SIRPB1: variants seen among roughly 807,000 people sequenced by gnomAD.
SIRPB1 encodes signal-regulatory protein beta-1.
SIRPB1 carries 28 observed loss-of-function variants against 34.1 expected under a neutral mutation model. That is an observed-to-expected ratio of 0.82 (90% CI 0.61 to 1.12). The LOEUF is 1.12. SIRPB1 is among the 50% of genes most tolerant of loss of function. The pLI, the probability that SIRPB1 is intolerant of heterozygous loss-of-function variation, is 0.00. For missense variants in SIRPB1, 499 were observed against 507.0 expected (o/e 0.98, Z 0.15); for synonymous variants, 211 against 203.8 (o/e 1.04, Z -0.30).
In SIRPB1 at chr20:1,564,296, A is replaced by G. The variant is rs1318341097; in HGVS notation, c.*1204T>C. ...GCTGCCTGTATTCGGCATAATACTC[A>G]TCAAAATAAGGGCTAAAGAAAAATT... is the stretch of plus-strand genomic sequence containing the variant. On this transcript the variant is annotated 3_prime_UTR_variant, in exon 6 of 6. Coordinates refer to ENST00000381605, the MANE Select transcript of SIRPB1 (RefSeq NM_006065.5). 6.6e-6 allele frequency: 1 copy of G among 152,186 alleles called. No homozygotes were observed. Among genetic ancestry groups the G allele is most frequent in the African/African-American group, 2.4e-5 (1 of 41,432 alleles). The allele number at this position is 152,186 out of a possible 1,614,324, so 9.4% of individuals were successfully genotyped here.
rs1280941964 is a variant in SIRPB1, at chr20:1,605,979, G to T, written c.76+13890C>A. 9.1e-6 allele frequency: 2 copies of T among 219,578 alleles called. 1 individual carries two copies. Among genetic ancestry groups the T allele is most frequent in the African/African-American group, 1.7e-4 (2 of 11,902 alleles). The allele number at this position is 219,578 out of a possible 1,614,324, so 13.6% of individuals were successfully genotyped here. A position where few individuals can be genotyped will look rare whatever the true frequency, so the allele number is the denominator to read the frequency against. On this transcript the variant is annotated intron_variant, in intron 1 of 5. Coordinates refer to ENST00000381605, the MANE Select transcript of SIRPB1 (RefSeq NM_006065.5). Reference sequence around the variant, plus strand: ...AATAACCAATGAGAGTGGGTTTGCAGTTGAGGATTTTCAACCAGCTAATGA... The same window carrying T: ...AATAACCAATGAGAGTGGGTTTGCATTTGAGGATTTTCAACCAGCTAATGA...
rs768117833 is a variant in SIRPB1, at chr20:1,570,859, A to G, written c.1030T>C (p.Tyr344His). ...TGGTGCGCTGAGATCTCCAGGGCAT[A>G]GCTTTTGCTGACTGCTTGCTGCCCA... ...HDGQQAVSKS[Y>H]ALEISAHQKE... The change falls in exon 4 of 6, where the codon TAT (tyrosine) becomes CAT (histidine). Residue 344 changes from tyrosine (Y) to histidine (H), a missense_variant. Tyr to His is a moderately conservative substitution (Grantham distance 83). Transcript: ENST00000381605. 3 of 1,614,182 alleles carry G rather than the reference A, an allele frequency of 1.9e-6. No homozygotes were observed. Among genetic ancestry groups the G allele is most frequent in the Non-Finnish European group, 2.5e-6 (3 of 1,180,022 alleles).
At chr20:1,570,784 A>T (rs1161281277) in intron 4 of SIRPB1, 21 bp downstream of exon 4, 2 of 1,549,286 alleles carry the variant, frequency 1.3e-6, no homozygotes, top group African/African-American at 1.4e-5. Flanking sequence ...GACAAAATTT[A>T]AAAATGGGAA....
chr20:1,586,542 C>T lies in SIRPB1; in HGVS notation c.77-7848G>A, dbSNP rs1272277454. 1.6e-4 allele frequency among the ~76,000 whole-genome samples: 8 copies of T among 48,740 alleles called. 4 individuals carry two copies. The highest frequency in any genetic ancestry group is 3.2e-4 in the Non-Finnish European group (8 of 25,310). 32.0% of individuals were successfully genotyped at this position (48,740 alleles called of 152,430 possible). On this transcript the variant is annotated intron_variant, in intron 1 of 5. Transcript: ENST00000381605. ...GTCCGTGGCCTGTTATGAACTGGGC[C>T]GCACAGCCGGAGGTGAGCAGCCAGT...
At chr20:1,576,981 A>T (rs2091321109) in intron 2 of SIRPB1, among the ~76,000 whole-genome samples, 1 of 148,456 alleles carries the variant, frequency 6.7e-6, no homozygotes, top group Admixed American at 6.7e-5. Flanking sequence ...CATCAACAGA[A>T]GACTGTAAAA....
In SIRPB1 at chr20:1,612,552, T is replaced by G. The variant is rs1321084246; in HGVS notation, c.76+7317A>C. On this transcript the variant is annotated intron_variant, in intron 1 of 5. Coordinates refer to ENST00000381605, the MANE Select transcript of SIRPB1 (RefSeq NM_006065.5). The stretch of plus-strand genomic sequence containing the variant: ...CTCTGTGGATCAATTTCTCCCTTCC[T>G]GAGACCCACAAGGCTCTAATGGGGC... Among the ~76,000 whole-genome samples the G allele has an allele frequency of 1.0e-3, 72 of 72,176 alleles. 31 individuals carry two copies. Among genetic ancestry groups the G allele is most frequent in the Non-Finnish European group, 2.3e-4 (9 of 38,584 alleles). The allele number at this position is 72,176 out of a possible 152,430, so 47.4% of individuals were successfully genotyped here.
intron 1 of SIRPB1, among the ~76,000 whole-genome samples, chr20:1,616,283 A>T (rs2091628288): frequency 6.6e-6 from 1 of 152,222 alleles, no homozygotes; most frequent in African/African-American, 2.4e-5. Context: ...AAAAGACTGG[A>T]GGCATCACAT....
intron 1 of SIRPB1, among the ~76,000 whole-genome samples, chr20:1,614,143 T>C: frequency 6.6e-6 from 1 of 152,194 alleles, no homozygotes; most frequent in East Asian, 1.9e-4. Context: ...ATTCTATACC[T>C]GGCAAAGTGT....
At chr20:1,579,512 C>T (rs995766242) in intron 1 of SIRPB1, among the ~76,000 whole-genome samples, 1 of 148,408 alleles carries the variant, frequency 6.7e-6, no homozygotes, top group African/African-American at 2.4e-5. Flanking sequence ...TTCCGGAGAC[C>T]ACGAGGCTCT....
At chr20:1,571,669 G>A in intron 3 of SIRPB1, 51 bp downstream of exon 3, 2 of 1,612,384 alleles carry the variant, frequency 1.2e-6, no homozygotes, top group Non-Finnish European at 1.7e-6. Flanking sequence ...GGAGAGGGGA[G>A]TGGGCTTGGC....
chr20:1,579,658 T>A (rs541341780), intron 1 of SIRPB1, among the ~76,000 whole-genome samples: 11 of 148,780 alleles, frequency 7.4e-5, no homozygotes, highest in African/African-American at 2.7e-4. Flanking sequence ...CATAGCATAA[T>A]CACATTACCT....
At position 1,605,967 on chromosome 20, in the gene SIRPB1, A is replaced by T. The variant is rs1373681148; in HGVS notation, c.76+13902T>A. 2 of 218,250 alleles carry T rather than the reference A, an allele frequency of 9.2e-6. 1 individual carries two copies. Among genetic ancestry groups the T allele is most frequent in the Non-Finnish European group, 1.7e-5 (2 of 115,916 alleles). The allele number at this position is 218,250 out of a possible 1,614,324, so 13.5% of individuals were successfully genotyped here. The stretch of plus-strand genomic sequence containing the variant: ...GTACTTTAATGAAATAACCAATGAG[A>T]GTGGGTTTGCAGTTGAGGATTTTCA... On this transcript the variant is annotated intron_variant, in intron 1 of 5. Transcript: ENST00000381605.
intron 1 of SIRPB1, among the ~76,000 whole-genome samples, chr20:1,615,760 A>G (rs2091620374): frequency 6.6e-6 from 1 of 152,258 alleles, no homozygotes; most frequent in Non-Finnish European, 1.5e-5. Context: ...ACAGCATTTG[A>G]GAAATGTGGA....
rs143859134 is a variant in SIRPB1 at position 1,582,695 on chromosome 20, A to G, written c.77-4001T>C. 8.9e-3 allele frequency among the ~76,000 whole-genome samples: 440 copies of G among 49,600 alleles called. 177 individuals are homozygous for G. The highest frequency in any genetic ancestry group is 0.044 in the Admixed American group (328 of 7,430). 32.5% of individuals were successfully genotyped at this position (49,600 alleles called of 152,430 possible). ...ATGATTAGCTCATTTGATACAGAAG[A>G]CGATTTGACAAATTTGGGGATCTTT... On this transcript the variant is annotated intron_variant, in intron 1 of 5. Transcript: ENST00000381605.
In SIRPB1 at chr20:1,585,139, A is replaced by T. The variant is rs1013656027; in HGVS notation, c.77-6445T>A. On this transcript the variant is annotated intron_variant, in intron 1 of 5. Coordinates refer to ENST00000381605, the MANE Select transcript of SIRPB1 (RefSeq NM_006065.5). The stretch of plus-strand genomic sequence containing the variant: ...TTAAAGACTTAAATGTAAGATCTGA[A>T]ACTGTAAAAGTACTAGAAGAAAAGT... Among the ~76,000 whole-genome samples, 10 of 49,348 alleles carry T rather than the reference A, an allele frequency of 2.0e-4. 3 individuals are homozygous for T. The highest frequency in any genetic ancestry group is 2.7e-4 in the Non-Finnish European group (7 of 25,522). The allele number at this position is 49,348 out of a possible 152,430, so 32.4% of individuals were successfully genotyped here.
intron 1 of SIRPB1, among the ~76,000 whole-genome samples, chr20:1,613,109 A>G (rs1250272685): frequency 1.4e-5 from 1 of 73,432 alleles, no homozygotes; most frequent in Non-Finnish European, 2.6e-5. Context: ...CTTAACTTTA[A>G]TAATCATTTC....
At chr20:1,571,593 G>C (rs1408190419) in intron 3 of SIRPB1, 127 bp downstream of exon 3, 13 of 1,365,648 alleles carry the variant, frequency 9.5e-6, no homozygotes, top group Non-Finnish European at 1.1e-5. Context: ...GGCTCACCTA[G>C]GTGCATGGGA....
intron 4 of SIRPB1, among the ~76,000 whole-genome samples, chr20:1,567,461 G>A (rs999179655): frequency 6.6e-6 from 1 of 152,322 alleles, no homozygotes; most frequent in Admixed American, 6.5e-5. Context: ...CCTGAGGCAT[G>A]TTGACCCTGA....
At chr20:1,566,419 G>A (rs888324675) in intron 4 of SIRPB1, 152 bp from the exon 5 acceptor site, 12 of 557,666 alleles carry the variant, frequency 2.2e-5, no homozygotes, top group Admixed American at 6.2e-5. Context: ...GACTCCAGCC[G>A]AAAGCAAAGG....
Sources: allele counts gnomAD v4.1 joint callset (sites outside exome capture counted in the v4.1 genomes callset), GRCh38; gene constraint gnomAD v4.1.1; transcripts MANE v1.5; gene names NCBI Gene and HGNC (gene_info 2026-07-23, HGNC 2026-07-21).